The following SFMBT2 variants were observed in gnomAD, a reference collection of about 807,000 sequenced individuals.
SFMBT2 encodes Scm like with four mbt domains 2, also known as scm-like with four MBT domains protein 2.
Under a neutral mutation model 110.1 loss-of-function variants are expected in SFMBT2, and 38 were observed. That is an observed-to-expected ratio of 0.35 (90% CI 0.27 to 0.45). The LOEUF (loss-of-function observed/expected upper bound fraction) is 0.45. SFMBT2 is among the 20% of genes least tolerant of loss of function. SFMBT2 has a pLI of 1.00. For synonymous variants in SFMBT2, 425 were observed against 425.4 expected (o/e 1.00, Z 0.01); for missense variants, 1,011 against 1,094.9 (o/e 0.92, Z 1.08).
rs760223408 is a variant in SFMBT2, at chr10:7,314,984, GAGAA to G, written c.437-29034_437-29031del. ...AAAGAGAGAGAGAGAGAGGGAGAAAGAGAAAGAAAGAAAGAAAAGAAAGAAAGAA... is the reference window on the plus strand; with the variant it reads ...AAAGAGAGAGAGAGAGAGGGAGAAAGAGAAAGAAAGAAAAGAAAGAAAGAA... On this transcript the variant is annotated intron_variant, in intron 4 of 20. Coordinates refer to ENST00000397167, the MANE Select transcript of SFMBT2 (RefSeq NM_001387889.1). Among the ~76,000 whole-genome samples the G allele has an allele frequency of 4.8e-4, 68 of 141,814 alleles. 1 individual carries two copies. The South Asian group carries it at 5.9e-3, about 12-fold the overall frequency. 93.0% of individuals were successfully genotyped at this position (141,814 alleles called of 152,430 possible). A position where few individuals can be genotyped will look rare whatever the true frequency, so the allele number is the denominator to read the frequency against.
intron 4 of SFMBT2, among the ~76,000 whole-genome samples, chr10:7,298,046 C>T (rs916123126): frequency 7.2e-5 from 11 of 152,234 alleles, no homozygotes; most frequent in African/African-American, 2.7e-4. Flanking sequence ...TGGAGGTGGT[C>T]GTGCTGCTGT....
rs185090546 is a variant in SFMBT2 at position 7,331,372 on chromosome 10, A to G, written c.436+36277T>C. 3.3e-4 allele frequency among the ~76,000 whole-genome samples: 50 copies of G among 152,364 alleles called. 1 individual carries two copies. Among genetic ancestry groups the G allele is most frequent in the East Asian group, 2.1e-3 (11 of 5,190 alleles). On this transcript the variant is annotated intron_variant, in intron 4 of 20. Transcript: ENST00000397167. Reference sequence around the variant, plus strand: ...AAGCCAGGTGAAAACTGTGATCAGCACAATAATCCTGAAAGACAACCTTTA... The same window carrying G: ...AAGCCAGGTGAAAACTGTGATCAGCGCAATAATCCTGAAAGACAACCTTTA...
At chr10:7,191,188 C>A in intron 15 of SFMBT2, among the ~76,000 whole-genome samples, 1 of 152,162 alleles carries the variant, frequency 6.6e-6, no homozygotes, top group Non-Finnish European at 1.5e-5. Flanking sequence ...TTTCTCAGCT[C>A]TTTTACAGTA....
intron 15 of SFMBT2, among the ~76,000 whole-genome samples, chr10:7,195,535 C>T (rs1203441453): frequency 2.0e-5 from 3 of 152,292 alleles, no homozygotes; most frequent in East Asian, 1.9e-4. Context: ...GTATGAAGGC[C>T]CTGGTACAAT....
At chr10:7,347,304 A>G (rs1210525590) in intron 4 of SFMBT2, among the ~76,000 whole-genome samples, 1 of 152,114 alleles carries the variant, frequency 6.6e-6, no homozygotes, top group Non-Finnish European at 1.5e-5. Context: ...CCAGCCTTCC[A>G]CCATGCAGAC....
intron 4 of SFMBT2, among the ~76,000 whole-genome samples, chr10:7,351,609 TA>T (rs1326356963): frequency 5.9e-5 from 9 of 152,170 alleles, no homozygotes; most frequent in African/African-American, 2.2e-4. Flanking sequence ...CTTACTTTCA[TA>T]AGCAAATGGC....
At chr10:7,298,651 G>A (rs1156258790) in intron 4 of SFMBT2, among the ~76,000 whole-genome samples, 3 of 152,152 alleles carry the variant, frequency 2.0e-5, no homozygotes, top group African/African-American at 7.2e-5. Context: ...GTATGTATAT[G>A]TGTGTATGTA....
chr10:7,271,291 CA>C lies in SFMBT2; in HGVS notation c.870+5600del, dbSNP rs56364927. 4.1e-3 allele frequency among the ~76,000 whole-genome samples: 400 copies of C among 97,546 alleles called. 6 individuals carry two copies. Among genetic ancestry groups the C allele is most frequent in the African/African-American group, 0.013 (333 of 25,654 alleles). 64.0% of individuals were successfully genotyped at this position (97,546 alleles called of 152,430 possible). A position where few individuals can be genotyped will look rare whatever the true frequency, so the allele number is the denominator to read the frequency against. On this transcript the variant is annotated intron_variant, in intron 7 of 20. Coordinates refer to ENST00000397167, the MANE Select transcript of SFMBT2 (RefSeq NM_001387889.1). ...CTGGGTGACAGGGCAAGATTGCCTC[CA>C]AAAAAAAAAAAAAAAAAAATTAAAT...
At chr10:7,287,474 T>G (rs1056512252) in intron 4 of SFMBT2, 6 of 242,590 alleles carry the variant, frequency 2.5e-5, no homozygotes, top group Admixed American at 1.3e-4. Flanking sequence ...CTCTTTGGCA[T>G]GTCTCCCAAG....
chr10:7,361,539 A>G (rs190847597), intron 4 of SFMBT2, among the ~76,000 whole-genome samples: 2 of 152,368 alleles, frequency 1.3e-5, no homozygotes, highest in East Asian at 3.9e-4. Flanking sequence ...ACATAAGGCC[A>G]TCTTCACACT....
intron 4 of SFMBT2, among the ~76,000 whole-genome samples, chr10:7,321,152 T>C (rs1366706256): frequency 6.6e-6 from 1 of 151,094 alleles, no homozygotes; most frequent in African/African-American, 2.4e-5. Flanking sequence ...ATCTCTTCTT[T>C]GAAAAGGAGA....
intron 7 of SFMBT2, among the ~76,000 whole-genome samples, chr10:7,272,308 T>C: frequency 6.6e-6 from 1 of 151,874 alleles, no homozygotes; most frequent in Non-Finnish European, 1.5e-5. Flanking sequence ...CACACAAAGG[T>C]AAGGAGGCAA....
chr10:7,244,210 G>A (rs891264999), intron 8 of SFMBT2: 8 of 244,696 alleles, frequency 3.3e-5, no homozygotes, highest in African/African-American at 1.1e-4. Flanking sequence ...AGAGGAAATC[G>A]TTCACACTAA....
intron 15 of SFMBT2, 52 bp from the exon 16 acceptor site, chr10:7,188,785 T>C (rs1838505087): frequency 1.4e-6 from 2 of 1,467,778 alleles, no homozygotes; most frequent in African/African-American, 1.4e-5. Context: ...TCATTCCTAC[T>C]AACACAAGGA....
At chr10:7,180,286 A>G (rs1838206747) in intron 16 of SFMBT2, among the ~76,000 whole-genome samples, 1 of 127,822 alleles carries the variant, frequency 7.8e-6, no homozygotes, top group East Asian at 2.3e-4. Flanking sequence ...CACCACGCCT[A>G]TAGTGGTAAT....
chr10:7,236,050 G>A (rs1015902934), intron 9 of SFMBT2, among the ~76,000 whole-genome samples: 1 of 152,098 alleles, frequency 6.6e-6, no homozygotes, highest in African/African-American at 2.4e-5. Context: ...AGACAGTTTA[G>A]AAAGGTAGCT....
At chr10:7,258,576 T>G (rs146865438) in intron 7 of SFMBT2, among the ~76,000 whole-genome samples, 11 of 152,364 alleles carry the variant, frequency 7.2e-5, no homozygotes, top group African/African-American at 2.2e-4. Flanking sequence ...TAGGCTTCAG[T>G]GAAGTCAATG....
chr10:7,344,748 T>C (rs886553483), intron 4 of SFMBT2, among the ~76,000 whole-genome samples: 3 of 151,882 alleles, frequency 2.0e-5, no homozygotes, highest in Non-Finnish European at 4.4e-5. Flanking sequence ...GGGTGGATCA[T>C]GAGGTCAGGA....
chr10:7,229,285 A>C (rs376791109), intron 9 of SFMBT2, among the ~76,000 whole-genome samples: 93 of 152,320 alleles, frequency 6.1e-4, no homozygotes, highest in African/African-American at 1.8e-3. Context: ...TCTTTATTAA[A>C]GAAACTCAAC....
Sources: gnomAD v4.1 joint callset for allele counts (sites outside exome capture counted in the v4.1 genomes callset) on GRCh38, gnomAD v4.1.1 for gene constraint, MANE v1.5 for transcripts, NCBI Gene and HGNC (gene_info 2026-07-23, HGNC 2026-07-21) for gene names.